Variants in RERE observed in about 807,000 individuals in gnomAD.
RERE encodes the protein arginine-glutamic acid dipeptide repeats, also known as arginine-glutamic acid dipeptide repeats protein.
Under a neutral mutation model 146.1 loss-of-function variants are expected in RERE, and 40 were observed. The observed-to-expected ratio is 0.27, with a 90% CI of 0.21 to 0.36. The LOEUF (loss-of-function observed/expected upper bound fraction) is 0.36, where lower values mean the gene tolerates loss of function less well. RERE is among the 10% of genes least tolerant of loss of function. RERE has a pLI of 1.00. For missense variants in RERE, 1,933 were observed against 2,138.7 expected, an observed-to-expected ratio of 0.90 and a Z score of 1.90; for synonymous variants, 1,003 against 866.0, an observed-to-expected ratio of 1.16 and a Z score of -2.78.
At chr1:8,523,187 C>T (rs1032304192) in intron 7 of RERE, among the ~76,000 whole-genome samples, 2 of 151,978 alleles carry the variant, frequency 1.3e-5, no homozygotes, top group Admixed American at 6.6e-5. Flanking sequence ...AGCGTGAGAA[C>T]CTATCTCAAA....
chr1:8,787,022 C>G (rs1044399665), intron 1 of RERE: 6 of 569,862 alleles, frequency 1.1e-5, no homozygotes, highest in Non-Finnish European at 1.9e-5. Context: ...CTGTCACACA[C>G]ACCTGATGAA....
At chr1:8,513,735 G>A (rs1645373371) in intron 7 of RERE, among the ~76,000 whole-genome samples, 1 of 152,138 alleles carries the variant, frequency 6.6e-6, no homozygotes, top group Non-Finnish European at 1.5e-5. Context: ...AGCCAACATC[G>A]TGCCATTGTA....
chr1:8,423,900 C>T lies in RERE; in HGVS notation c.1204-1093G>A, dbSNP rs1351962281. The T allele has an allele frequency of 6.5e-6, 1 of 154,156 alleles. No homozygotes were observed. The highest frequency in any genetic ancestry group is 2.4e-5 in the African/African-American group (1 of 41,296). 9.5% of individuals were successfully genotyped at this position (154,156 alleles called of 1,614,324 possible). On this transcript the variant is annotated intron_variant, in intron 11 of 22. Transcript: ENST00000400908. This position sits in a 1 kb window ranked among gnomAD's most constrained non-coding sequence, Gnocchi z 5.4. ...CGCGCCCCGGCCCCGGCCCCGCCCCCGGCCCGACCCCCACCCCGAGGCCGG... is the reference window on the plus strand; with the variant it reads ...CGCGCCCCGGCCCCGGCCCCGCCCCTGGCCCGACCCCCACCCCGAGGCCGG...
intron 12 of RERE, among the ~76,000 whole-genome samples, chr1:8,402,826 C>T (rs950201521): frequency 6.6e-6 from 1 of 152,146 alleles, no homozygotes; most frequent in African/African-American, 2.4e-5. Flanking sequence ...AATTAAATAT[C>T]AGGTATATTC....
intron 1 of RERE, among the ~76,000 whole-genome samples, chr1:8,788,579 G>T (rs1001263111): frequency 6.6e-6 from 1 of 151,616 alleles, no homozygotes; most frequent in Non-Finnish European, 1.5e-5. Flanking sequence ...TGGCCAGGCT[G>T]GTCTCGAACT....
chr1:8,607,829 G>A (rs889507493), intron 4 of RERE, among the ~76,000 whole-genome samples: 2 of 149,598 alleles, frequency 1.3e-5, no homozygotes, highest in African/African-American at 4.9e-5. Context: ...GAGTTCAAGC[G>A]ATTCTCCTGC....
chr1:8,526,251 G>A (rs916552829), intron 7 of RERE, among the ~76,000 whole-genome samples: 6 of 150,766 alleles, frequency 4.0e-5, no homozygotes, highest in African/African-American at 1.5e-4. Flanking sequence ...AGGAGCGTCA[G>A]TTAAATGCTC....
At chr1:8,672,518 T>C (rs553242599) in intron 1 of RERE, among the ~76,000 whole-genome samples, 2 of 152,352 alleles carry the variant, frequency 1.3e-5, no homozygotes, top group African/African-American at 4.8e-5. Flanking sequence ...TTCTGGCTAA[T>C]GACAGGGAAG....
chr1:8,361,214 C>T lies in RERE; in HGVS notation c.2293G>A (p.Gly765Arg). ...ACTGCAGTGGCAGAGGGCGTGGGCC[C>T]TGGCGTGGGCAGCTGAGGGGTCCCT... ...PPGTPQLPTP[G>R]PTPSATAVPP... Residue 765 changes from glycine to arginine, a missense_variant, in exon 18 of 23, where the codon GGG becomes AGG. By Grantham distance (125) the Gly-to-Arg change is moderately radical (BLOSUM62 -2). This residue lies in a region of RERE where 1,255 missense variants were observed against 1,153.8 expected (regional missense o/e 1.09). Transcript: ENST00000400908. The T allele has an allele frequency of 6.6e-7, 1 of 1,521,444 alleles. No homozygotes were observed. Among genetic ancestry groups the T allele is most frequent in the Non-Finnish European group, 8.8e-7 (1 of 1,139,874 alleles). 94.2% of individuals were successfully genotyped at this position (1,521,444 alleles called of 1,614,324 possible).
At chr1:8,626,399 C>T (rs1306228065) in intron 2 of RERE, among the ~76,000 whole-genome samples, 1 of 152,178 alleles carries the variant, frequency 6.6e-6, no homozygotes, top group Non-Finnish European at 1.5e-5. Context: ...GACATTAACA[C>T]CATCATAGCC....
chr1:8,636,598 C>T (rs1164099487), intron 2 of RERE, among the ~76,000 whole-genome samples: 1 of 151,898 alleles, frequency 6.6e-6, no homozygotes, highest in Non-Finnish European at 1.5e-5. Context: ...AAATAAAAAA[C>T]ATCTGGTACA....
intron 12 of RERE, among the ~76,000 whole-genome samples, chr1:8,396,740 G>A (rs958322044): frequency 6.6e-6 from 1 of 152,108 alleles, no homozygotes; most frequent in African/African-American, 2.4e-5. Context: ...CATCTACAAT[G>A]CGTGCAGCCC....
chr1:8,616,728 T>C (rs1646856290), intron 3 of RERE, among the ~76,000 whole-genome samples: 1 of 152,206 alleles, frequency 6.6e-6, no homozygotes, highest in Non-Finnish European at 1.5e-5. Context: ...AGAAAATGAA[T>C]TACCCAACCT....
intron 11 of RERE, among the ~76,000 whole-genome samples, chr1:8,442,344 G>A (rs1320383504): frequency 2.1e-5 from 3 of 145,362 alleles, no homozygotes; most frequent in South Asian, 2.1e-4. Context: ...AGATGGTGCC[G>A]CCACTGCAGT....
rs1641244451 is a variant in RERE at position 8,355,243 on chromosome 1, A to G, written c.4668-123T>C. The G allele has an allele frequency of 2.5e-6, 3 of 1,186,930 alleles. No homozygotes were observed. In the Admixed American group the frequency reaches 5.4e-5, roughly 21 times the overall value. 73.5% of individuals were successfully genotyped at this position (1,186,930 alleles called of 1,614,324 possible). ...ACCCCAAGCCCGCAGCCTCCTGTGT[A>G]GCTGACCTACCCTCCCAACACCTCC... On this transcript the variant is annotated intron_variant, in intron 22 of 22. Transcript: ENST00000400908.
At chr1:8,655,426 C>T (rs1477140464) in intron 2 of RERE, among the ~76,000 whole-genome samples, 1 of 152,032 alleles carries the variant, frequency 6.6e-6, no homozygotes, top group East Asian at 1.9e-4. Context: ...AGGCTGGTCT[C>T]GAACTCCTGA....
intron 1 of RERE, among the ~76,000 whole-genome samples, chr1:8,662,090 C>G (rs1297431252): frequency 6.6e-6 from 1 of 152,114 alleles, no homozygotes; most frequent in Non-Finnish European, 1.5e-5. Flanking sequence ...GGGCAGTTGC[C>G]AAAGCTCAAA....
At chr1:8,621,485 T>C (rs1646915236) in intron 3 of RERE, among the ~76,000 whole-genome samples, 1 of 152,224 alleles carries the variant, frequency 6.6e-6, no homozygotes, top group African/African-American at 2.4e-5. Flanking sequence ...CTAATGTGTA[T>C]CATAACGGGC....
At chr1:8,721,883 C>T (rs377415262) in intron 1 of RERE, among the ~76,000 whole-genome samples, 3 of 152,312 alleles carry the variant, frequency 2.0e-5, no homozygotes, top group East Asian at 1.9e-4. Context: ...AGCAGTAACA[C>T]GGAGCTGAAC....
Sources: allele counts gnomAD v4.1 joint callset (sites outside exome capture counted in the v4.1 genomes callset), GRCh38; gene constraint gnomAD v4.1.1; regional missense constraint gnomAD v4.1.1; non-coding constraint Gnocchi (gnomAD v3.1); transcripts MANE v1.5; gene names NCBI Gene and HGNC (gene_info 2026-07-23, HGNC 2026-07-21).